PCNX1: variants seen among roughly 807,000 people sequenced by gnomAD.
PCNX1 encodes pecanex 1, also known as pecanex-like protein 1.
Under a neutral mutation model 242.2 loss-of-function variants are expected in PCNX1, and 78 were observed. The observed-to-expected ratio is 0.32, with a 90% CI of 0.27 to 0.39. The LOEUF is 0.39. Among genes scored for constraint, PCNX1 ranks in the 10% least tolerant of loss-of-function variants. The pLI, the probability that PCNX1 is intolerant of heterozygous loss-of-function variation, is 1.00. For missense variants in PCNX1, 2,581 were observed against 2,856.5 expected, an observed-to-expected ratio of 0.90 and a Z score of 2.20; for synonymous variants, 1,024 against 1,032.9, an observed-to-expected ratio of 0.99 and a Z score of 0.17.
rs1309104799 is a variant in PCNX1, at chr14:71,036,112, G to C, written c.3822G>C (p.Val1274=). The change falls in exon 19 of 36, where the codon GTG becomes GTC. Residue 1274 remains valine (V), a synonymous_variant. Transcript: ENST00000304743. ...TGGTAGTATGCATTGTAATTGGTGT[G>C]CTGTATTTTGCTATTCATGTAAGCA... ...SDLVVCIVIG[V]LYFAIHVSTV... 6.2e-7 allele frequency: 1 copy of C among 1,608,934 alleles called. No individual in the cohort carries two copies. The highest frequency in any genetic ancestry group is 1.3e-5 in the African/African-American group (1 of 74,762).
At chr14:70,992,757 G>C (rs1266023992) in intron 7 of PCNX1, among the ~76,000 whole-genome samples, 2 of 152,074 alleles carry the variant, frequency 1.3e-5, no homozygotes, top group Admixed American at 1.3e-4. Context: ...TACTCAAACT[G>C]GTAGTTTTGA....
At chr14:71,025,708 T>C (rs2140857499) in intron 13 of PCNX1, among the ~76,000 whole-genome samples, 1 of 152,106 alleles carries the variant, frequency 6.6e-6, no homozygotes, top group East Asian at 1.9e-4. Flanking sequence ...TGAAACTCCA[T>C]CTCTAAAAAA....
rs945315270 is a variant in PCNX1 at position 71,067,919 on chromosome 14, A to T, written c.4853-5626A>T. ...GAGCTGGTTGTTCAGTTTCACAATT[A>T]AAAAAAAGGCTTTGGAAGTTTCTTC... On this transcript the variant is annotated intron_variant, in intron 26 of 35. Coordinates refer to ENST00000304743, the MANE Select transcript of PCNX1 (RefSeq NM_014982.3). Among the ~76,000 whole-genome samples, 6 of 151,748 alleles carry T rather than the reference A, an allele frequency of 4.0e-5. No homozygotes were observed. The East Asian group carries it at 5.8e-4, about 15-fold the overall frequency.
At chr14:70,971,443 C>A (rs551374140) in intron 5 of PCNX1, among the ~76,000 whole-genome samples, 1 of 13,422 alleles carries the variant, frequency 7.5e-5, no homozygotes, top group Non-Finnish European at 1.9e-4. Context: ...CGCGCCCGGC[C>A]TATAGTTTTA....
intron 1 of PCNX1, among the ~76,000 whole-genome samples, chr14:70,911,711 A>G (rs1239276853): frequency 6.6e-6 from 1 of 152,146 alleles, no homozygotes; most frequent in Non-Finnish European, 1.5e-5. Flanking sequence ...TTTGTGAGAT[A>G]TTTCATGGGT....
chr14:71,024,646 A>C (rs1283885056), intron 13 of PCNX1, among the ~76,000 whole-genome samples: 1 of 152,168 alleles, frequency 6.6e-6, no homozygotes, highest in Non-Finnish European at 1.5e-5. Flanking sequence ...GTTACTAGTG[A>C]TGTTAATTTT....
intron 30 of PCNX1, among the ~76,000 whole-genome samples, chr14:71,091,903 C>G (rs1222096623): frequency 6.6e-6 from 1 of 152,224 alleles, no homozygotes; most frequent in Non-Finnish European, 1.5e-5. Context: ...CTAATCATCT[C>G]TGTGTGAGCA....
intron 2 of PCNX1, among the ~76,000 whole-genome samples, chr14:70,956,737 T>A (rs928305852): frequency 2.6e-5 from 4 of 152,050 alleles, no homozygotes; most frequent in Non-Finnish European, 5.9e-5. Flanking sequence ...GCTGAGGAGG[T>A]ATTATTTCTG....
intron 26 of PCNX1, among the ~76,000 whole-genome samples, chr14:71,071,011 G>T (rs1360721518): frequency 6.6e-6 from 1 of 152,192 alleles, no homozygotes; most frequent in Non-Finnish European, 1.5e-5. Context: ...CAGCTTTAAC[G>T]TCAGCACTTG....
At chr14:71,066,581 C>T (rs1796227447) in intron 26 of PCNX1, among the ~76,000 whole-genome samples, 2 of 152,192 alleles carry the variant, frequency 1.3e-5, no homozygotes, top group African/African-American at 4.8e-5. Context: ...TCCTCTCTTC[C>T]TATTTAAATA....
intron 30 of PCNX1, among the ~76,000 whole-genome samples, chr14:71,095,303 ATTAAT>A (rs2062246005): frequency 6.6e-6 from 1 of 152,216 alleles, no homozygotes; most frequent in Non-Finnish European, 1.5e-5. Context: ...ATAATTTCAT[ATTAAT>A]TTTTATGTTC....
intron 2 of PCNX1, among the ~76,000 whole-genome samples, chr14:70,948,922 T>TATATATGTAC (rs1189838748): frequency 6.7e-6 from 1 of 148,376 alleles, no homozygotes; most frequent in Non-Finnish European, 1.5e-5. Flanking sequence ...TATATATGTG[T>TATATATGTAC]ATATATGTAC....
intron 1 of PCNX1, among the ~76,000 whole-genome samples, chr14:70,916,532 C>A (rs2056159046): frequency 6.6e-6 from 1 of 152,158 alleles, no homozygotes; most frequent in Non-Finnish European, 1.5e-5. Context: ...TGTGGTTTTC[C>A]AGTGCATATA....
At position 71,108,729 on chromosome 14, in the gene PCNX1, A is replaced by G. The variant is rs959017448; in HGVS notation, c.6427A>G (p.Thr2143Ala). ...GCATTCATCCCTCCGGATGTCCACCACTGGGTTTGTGCCTTGTCGGCGCTC... is the reference window on the plus strand; with the variant it reads ...GCATTCATCCCTCCGGATGTCCACCGCTGGGTTTGTGCCTTGTCGGCGCTC... ...SRHSSLRMSTTGFVPCRRSST... is the reference protein window; with the variant it reads ...SRHSSLRMSTAGFVPCRRSST... The change falls in exon 34 of 36, where the codon ACT becomes GCT. Residue 2143 changes from threonine (T) to alanine (A), a missense_variant. Around this residue, in one of 9 missense-constraint regions of PCNX1, gnomAD observed 432 missense variants for 433.6 expected, o/e 1.00. Transcript: ENST00000304743. The G allele has an allele frequency of 5.6e-6, 9 of 1,614,200 alleles. No individual in the cohort carries two copies. In the Middle Eastern group the frequency reaches 1.2e-3, roughly 207 times the overall value.
intron 2 of PCNX1, among the ~76,000 whole-genome samples, chr14:70,957,328 T>C (rs1046611333): frequency 6.6e-6 from 1 of 152,166 alleles, no homozygotes; most frequent in Admixed American, 6.5e-5. Flanking sequence ...GTTCAGATTG[T>C]AATAATTTGG....
chr14:70,988,811 T>A (rs903472831), intron 7 of PCNX1, 112 bp downstream of exon 7: 41 of 1,332,322 alleles, frequency 3.1e-5, no homozygotes, highest in Non-Finnish European at 3.8e-5. Context: ...TTCCTTTCTG[T>A]TTCTTTCCTA....
chr14:71,062,722 G>T (rs2061357033), intron 26 of PCNX1, among the ~76,000 whole-genome samples: 1 of 152,136 alleles, frequency 6.6e-6, no homozygotes, highest in Non-Finnish European at 1.5e-5. Context: ...TGTTTATAAA[G>T]TCTACAGTAG....
At chr14:71,068,975 G>A (rs1334313357) in intron 26 of PCNX1, among the ~76,000 whole-genome samples, 1 of 152,066 alleles carries the variant, frequency 6.6e-6, no homozygotes, top group East Asian at 1.9e-4. Context: ...ACGTACTCGA[G>A]ACTAGGTAAT....
intron 2 of PCNX1, among the ~76,000 whole-genome samples, chr14:70,961,221 CA>C (rs1269133605): frequency 1.3e-5 from 2 of 151,996 alleles, no homozygotes; most frequent in Non-Finnish European, 2.9e-5. Context: ...AATCCTAAGC[CA>C]AAAGAACAAA....
Sources: gnomAD v4.1 joint callset for allele counts (sites outside exome capture counted in the v4.1 genomes callset) on GRCh38, gnomAD v4.1.1 for gene constraint, gnomAD v4.1.1 regional missense constraint, MANE v1.5 for transcripts, NCBI Gene and HGNC (gene_info 2026-07-23, HGNC 2026-07-21) for gene names.